Variants in CAMSAP1 observed in about 807,000 individuals in gnomAD.
CAMSAP1 encodes calmodulin regulated spectrin associated protein 1, also known as calmodulin-regulated spectrin-associated protein 1.
CAMSAP1 carries 58 observed loss-of-function variants against 143.5 expected under a neutral mutation model. That is an observed-to-expected ratio of 0.40 (90% CI 0.33 to 0.50). The LOEUF (loss-of-function observed/expected upper bound fraction) is 0.50. CAMSAP1 is among the 20% of genes least tolerant of loss of function. CAMSAP1 has a pLI of 0.45. For missense variants in CAMSAP1, 1,969 were observed against 2,115.7 expected (o/e 0.93, Z 1.36); for synonymous variants, 945 against 859.3 (o/e 1.10, Z -1.74).
intron 7 of CAMSAP1, among the ~76,000 whole-genome samples, chr9:135,840,321 T>C (rs2131714130): frequency 6.6e-6 from 1 of 152,310 alleles, no homozygotes; most frequent in Admixed American, 6.5e-5. Context: ...TCCCCCGCTA[T>C]GTCTCATCCC....
rs539905151 is a variant in CAMSAP1 at position 135,851,561 on chromosome 9, C to G, written c.809-1100G>C. On this transcript the variant is annotated intron_variant, in intron 5 of 16. Transcript: ENST00000389532. ...ATCTCCATCTCCAAAGGGAACCATT[C>G]TCCCAACACTGCCACAAACCCTTTC... is the stretch of plus-strand genomic sequence containing the variant. Among the ~76,000 whole-genome samples the G allele has an allele frequency of 1.8e-4, 28 of 151,814 alleles. No individual in the cohort carries two copies. In the South Asian group the frequency reaches 3.3e-3, roughly 18 times the overall value.
intron 1 of CAMSAP1, among the ~76,000 whole-genome samples, chr9:135,888,206 C>T (rs1206724498): frequency 6.6e-5 from 10 of 152,244 alleles, no homozygotes; most frequent in East Asian, 5.8e-4. Context: ...TCCTGCCCTG[C>T]GCCAGCTGAG....
At chr9:135,813,028 T>C (rs188035797) in intron 16 of CAMSAP1, among the ~76,000 whole-genome samples, 64 of 152,348 alleles carry the variant, frequency 4.2e-4, no homozygotes, top group Middle Eastern at 3.4e-3. Flanking sequence ...TGATTGTATT[T>C]TAAAGTTTAA....
rs1835690008 is a variant in CAMSAP1 at position 135,826,790 on chromosome 9, C to G, written c.1223+617G>C. Among the ~76,000 whole-genome samples, 1 of 152,224 alleles carries G rather than the reference C, an allele frequency of 6.6e-6. No individual in the cohort carries two copies. The highest frequency in any genetic ancestry group is 1.5e-5 in the Non-Finnish European group (1 of 68,038). On this transcript the variant is annotated intron_variant, in intron 8 of 16. Transcript: ENST00000389532. This position sits in a 1 kb window ranked among gnomAD's most constrained non-coding sequence, Gnocchi z 4.4. ...ACACACAGCACAAAGCTCACTCTTA[C>G]TCCAAGGGAAGCTTCCTTCACCCCC...
At chr9:135,840,228 G>A (rs1318260804) in intron 7 of CAMSAP1, among the ~76,000 whole-genome samples, 2 of 152,218 alleles carry the variant, frequency 1.3e-5, no homozygotes, top group Non-Finnish European at 2.9e-5. Context: ...CCACTGCACA[G>A]GGCCCCACAT....
At chr9:135,879,752 G>A (rs185217538) in intron 3 of CAMSAP1, among the ~76,000 whole-genome samples, 5 of 152,032 alleles carry the variant, frequency 3.3e-5, no homozygotes, top group Non-Finnish European at 7.4e-5. Context: ...GGAAATCATC[G>A]TGGCTGGACG....
At chr9:135,865,221 A>C (rs971314816) in intron 4 of CAMSAP1, 17 of 1,078,074 alleles carry the variant, frequency 1.6e-5, no homozygotes, top group Non-Finnish European at 2.3e-5. Flanking sequence ...TGGGACATTT[A>C]AACAACAACA....
At chr9:135,902,999 G>A (rs1411592996) in intron 1 of CAMSAP1, among the ~76,000 whole-genome samples, 4 of 152,212 alleles carry the variant, frequency 2.6e-5, no homozygotes, top group Non-Finnish European at 4.4e-5. Flanking sequence ...GTGCATGCTA[G>A]TACTTGCCCT....
intron 7 of CAMSAP1, among the ~76,000 whole-genome samples, chr9:135,835,183 A>T (rs1016017795): frequency 1.3e-5 from 2 of 152,114 alleles, no homozygotes; most frequent in African/African-American, 4.8e-5. Context: ...TTACCAAGTA[A>T]GGGAGAAGTA....
At chr9:135,884,723 A>G (rs1437758452) in intron 1 of CAMSAP1, among the ~76,000 whole-genome samples, 2 of 152,170 alleles carry the variant, frequency 1.3e-5, no homozygotes, top group African/African-American at 4.8e-5. Context: ...AACAGGCCCC[A>G]ATGCCAAGCA....
At chr9:135,870,450 T>C (rs1837533231) in intron 3 of CAMSAP1, among the ~76,000 whole-genome samples, 1 of 152,158 alleles carries the variant, frequency 6.6e-6, no homozygotes, top group Non-Finnish European at 1.5e-5. Flanking sequence ...GGACAGTTCT[T>C]TAGGCAGTGT....
chr9:135,839,886 G>C (rs936658176), intron 7 of CAMSAP1, among the ~76,000 whole-genome samples: 1 of 152,026 alleles, frequency 6.6e-6, no homozygotes, highest in Non-Finnish European at 1.5e-5. Flanking sequence ...GTTAACAGTG[G>C]GTCAACTGGG....
intron 3 of CAMSAP1, among the ~76,000 whole-genome samples, chr9:135,871,854 G>A (rs1837580709): frequency 6.6e-6 from 1 of 152,138 alleles, no homozygotes; most frequent in South Asian, 2.1e-4. Flanking sequence ...TGTAATCCCA[G>A]CACTTTAGGA....
At chr9:135,890,827 G>A (rs1026769610) in intron 1 of CAMSAP1, among the ~76,000 whole-genome samples, 2 of 152,188 alleles carry the variant, frequency 1.3e-5, no homozygotes, top group African/African-American at 4.8e-5. Flanking sequence ...GACATCATGA[G>A]CAAAAGCCAG....
intron 1 of CAMSAP1, among the ~76,000 whole-genome samples, chr9:135,887,158 C>CA (rs1838149830): frequency 6.6e-6 from 1 of 152,204 alleles, no homozygotes; most frequent in South Asian, 2.1e-4. Context: ...CTGGTCAAGG[C>CA]AACCTGAGGA....
At chr9:135,843,120 G>C (rs1202511994) in intron 7 of CAMSAP1, among the ~76,000 whole-genome samples, 2 of 152,156 alleles carry the variant, frequency 1.3e-5, no homozygotes, top group Non-Finnish European at 2.9e-5. Flanking sequence ...CTGAGGTCGG[G>C]AGTTCGAGAC....
rs1330574091 is a variant in CAMSAP1 at position 135,822,102 on chromosome 9, C to T, written c.2559G>A (p.Thr853=). The part of the protein sequence containing the change: ...DASESCPAPL[T]TWRQKREQSP... ...TCTGCTCCCTCTTCTGCCTCCACGT[C>T]GTCAGAGGGGCTGGGCAGCTCTCAG... Residue 853 remains threonine (T), a synonymous_variant, in exon 11 of 17, where the codon ACG becomes ACA. Transcript: ENST00000389532. This position sits in a 1 kb window ranked among gnomAD's most constrained non-coding sequence, Gnocchi z 6.1. 7.4e-6 allele frequency: 12 copies of T among 1,612,966 alleles called. No individual in the cohort carries two copies. The highest frequency in any genetic ancestry group is 5.0e-5 in the Admixed American group (3 of 59,998).
rs1271513533 is a variant in CAMSAP1 at position 135,821,200 on chromosome 9, A to G, written c.3461T>C (p.Leu1154Pro). The change falls in exon 11 of 17, where the codon CTG (leucine) becomes CCG (proline). Residue 1154 changes from leucine (L) to proline (P), a missense_variant. This residue lies in a region of CAMSAP1 where 1,390 missense variants were observed against 1,420.8 expected (regional missense o/e 0.98). Transcript: ENST00000389532. The surrounding 1 kb of genome is among the most constrained non-coding windows in gnomAD (Gnocchi z 4.6). Reference protein sequence around the residue: ...TPTDPGLDSALEPSGDPHGKC... With the variant: ...TPTDPGLDSAPEPSGDPHGKC... ...CCCATGTGGGTCACCACTGGGCTCC[A>G]GGGCACTGTCCAGGCCAGGGTCCGT... The G allele has an allele frequency of 6.2e-7, 1 of 1,609,718 alleles. No homozygotes were observed. Among genetic ancestry groups the G allele is most frequent in the South Asian group, 1.1e-5 (1 of 91,090 alleles).
rs1014568871 is a variant in CAMSAP1 at position 135,882,089 on chromosome 9, C to T, written c.424-295G>A. Among the ~76,000 whole-genome samples the T allele has an allele frequency of 1.3e-5, 2 of 152,204 alleles. No homozygotes were observed. Among genetic ancestry groups the T allele is most frequent in the Non-Finnish European group, 2.9e-5 (2 of 68,032 alleles). On this transcript the variant is annotated intron_variant, in intron 2 of 16. Coordinates refer to ENST00000389532, the MANE Select transcript of CAMSAP1 (RefSeq NM_015447.4). This position sits in a 1 kb window ranked among gnomAD's most constrained non-coding sequence, Gnocchi z 4.9. ...ACACTGTCCTTTCTTATCTCCTCAA[C>T]AGCCCTGTGGGACTCCCAGGAAAGG...
Sources: allele counts gnomAD v4.1 joint callset (sites outside exome capture counted in the v4.1 genomes callset), GRCh38; gene constraint gnomAD v4.1.1; regional missense constraint gnomAD v4.1.1; non-coding constraint Gnocchi (gnomAD v3.1); transcripts MANE v1.5; gene names NCBI Gene and HGNC (gene_info 2026-07-23, HGNC 2026-07-21).